Variants in LAMA2 observed in about 807,000 individuals in gnomAD.
LAMA2 encodes the protein laminin subunit alpha-2.
Under a neutral mutation model 364.8 loss-of-function variants are expected in LAMA2, and 269 were observed. The ratio of observed to expected loss-of-function variants is 0.74; its 90% CI spans 0.67 to 0.82. The LOEUF is 0.82. LAMA2 is among the 40% of genes least tolerant of loss of function. The pLI, the probability that LAMA2 is intolerant of heterozygous loss-of-function variation, is 0.00. For synonymous variants in LAMA2, 1,379 were observed against 1,370.6 expected (o/e 1.01, Z -0.14); for missense variants, 3,807 against 3,873.2 (o/e 0.98, Z 0.45).
intron 12 of LAMA2, among the ~76,000 whole-genome samples, chr6:129,223,270 A>C: frequency 6.6e-6 from 1 of 152,210 alleles, no homozygotes; most frequent in Non-Finnish European, 1.5e-5. Flanking sequence ...AGATTGCAAA[A>C]ATCTTCTCCC....
intron 1 of LAMA2, among the ~76,000 whole-genome samples, chr6:128,911,567 C>T (rs936397559): frequency 6.6e-6 from 1 of 152,178 alleles, no homozygotes; most frequent in Non-Finnish European, 1.5e-5. Context: ...AACCCGGTAC[C>T]TCAGATGGAA....
intron 1 of LAMA2, among the ~76,000 whole-genome samples, chr6:129,036,583 C>A (rs1786653879): frequency 6.7e-6 from 1 of 150,242 alleles, no homozygotes; most frequent in Admixed American, 6.6e-5. Flanking sequence ...AGAGAGTAAG[C>A]AATTTTAAAA....
chr6:129,332,676 A>G (rs1472056), intron 29 of LAMA2, among the ~76,000 whole-genome samples: 1 of 152,174 alleles, frequency 6.6e-6, no homozygotes, highest in African/African-American at 2.4e-5. Flanking sequence ...CATTTCTCAT[A>G]TAAAAATTCT....
rs144348368 is a variant in LAMA2, at chr6:129,240,290, C to T, written c.1783-9822C>T. Among the ~76,000 whole-genome samples the T allele has an allele frequency of 3.9e-4, 59 of 152,270 alleles. No individual in the cohort carries two copies. The East Asian group carries it at 7.9e-3, about 20-fold the overall frequency. ...CCAGCCCTCTGACTCAAATGTTAAT[C>T]TCCTTTGGCAACACCCTCACAGACA... On this transcript the variant is annotated intron_variant, in intron 12 of 64. Coordinates refer to ENST00000421865, the MANE Select transcript of LAMA2 (RefSeq NM_000426.4).
chr6:129,330,599 T>TTG (rs1554273763), intron 29 of LAMA2, among the ~76,000 whole-genome samples: 653 of 58,294 alleles, frequency 0.011, 11 homozygotes, highest in South Asian at 0.089. Context: ...TTGGTTTTTG[T>TTG]TTTTTTTTTT....
At chr6:129,489,960 ATAC>A (rs937529150) in intron 56 of LAMA2, among the ~76,000 whole-genome samples, 1 of 152,172 alleles carries the variant, frequency 6.6e-6, no homozygotes, top group Non-Finnish European at 1.5e-5. Context: ...ACCTATTACA[ATAC>A]TAAAGTAATA....
At position 129,244,471 on chromosome 6, in the gene LAMA2, T is replaced by A. The variant is rs942746800; in HGVS notation, c.1783-5641T>A. On this transcript the variant is annotated intron_variant, in intron 12 of 64. Coordinates refer to ENST00000421865, the MANE Select transcript of LAMA2 (RefSeq NM_000426.4). The stretch of plus-strand genomic sequence containing the variant: ...ATGGAAATTGACAGATATGTTTAAT[T>A]TATCCTGCTCAGTATTATAAAGCCT... 3.9e-5 allele frequency among the ~76,000 whole-genome samples: 6 copies of A among 152,266 alleles called. No individual in the cohort carries two copies. In the South Asian group the frequency reaches 8.3e-4, roughly 21 times the overall value.
chr6:129,484,258 A>G (rs1270760500), intron 55 of LAMA2, among the ~76,000 whole-genome samples: 1 of 152,234 alleles, frequency 6.6e-6, no homozygotes. Context: ...ACTGGTTGTT[A>G]TAGTATTAGA....
chr6:129,441,693 A>T (rs1238855355), intron 43 of LAMA2, among the ~76,000 whole-genome samples: 1 of 152,146 alleles, frequency 6.6e-6, no homozygotes, highest in Non-Finnish European at 1.5e-5. Flanking sequence ...ACAAGGCTAT[A>T]TTGGGCCAGG....
intron 34 of LAMA2, among the ~76,000 whole-genome samples, chr6:129,376,215 G>C (rs999273235): frequency 6.6e-6 from 1 of 151,942 alleles, no homozygotes; most frequent in Non-Finnish European, 1.5e-5. Flanking sequence ...ACGGATTGAG[G>C]GTATAAGCCA....
At chr6:129,174,316 T>C (rs1780422571) in intron 9 of LAMA2, among the ~76,000 whole-genome samples, 1 of 152,126 alleles carries the variant, frequency 6.6e-6, no homozygotes, top group South Asian at 2.1e-4. Flanking sequence ...TCCAATACTC[T>C]TTTTTACTCA....
chr6:128,962,686 C>A (rs1781609589), intron 1 of LAMA2, among the ~76,000 whole-genome samples: 1 of 152,094 alleles, frequency 6.6e-6, no homozygotes, highest in South Asian at 2.1e-4. Context: ...TGATTTAGTC[C>A]AAGGCTTTGA....
chr6:129,328,453 A>G (rs757170799), intron 29 of LAMA2, 41 bp downstream of exon 29: 2 of 1,613,922 alleles, frequency 1.2e-6, no homozygotes, highest in South Asian at 2.2e-5. Flanking sequence ...CCATGTGCTC[A>G]TTCCTCTTTA....
chr6:129,150,462 C>G (rs1412590360), intron 7 of LAMA2, among the ~76,000 whole-genome samples: 1 of 152,150 alleles, frequency 6.6e-6, no homozygotes, highest in African/African-American at 2.4e-5. Context: ...CACTGACATG[C>G]CTTCACACAG....
rs910873369 is a variant in LAMA2, at chr6:129,297,936, G to A, written c.3037+71G>A. On this transcript the variant is annotated intron_variant, in intron 21 of 64. Coordinates refer to ENST00000421865, the MANE Select transcript of LAMA2 (RefSeq NM_000426.4). ...TAGGGTCTGACTTCTGTAACAGTTT[G>A]TTCTTTTAAAGGAAGCACAGATTGA... 3.0e-6 allele frequency: 4 copies of A among 1,337,876 alleles called. No homozygotes were observed. In the African/African-American group the frequency reaches 4.3e-5, roughly 14 times the overall value. 82.9% of individuals were successfully genotyped at this position (1,337,876 alleles called of 1,614,324 possible).
In LAMA2 at chr6:129,512,498, G is replaced by A. The variant is rs1374434162; in HGVS notation, c.8988+5G>A. On this transcript the variant is annotated splice_donor_5th_base_variant and intron_variant, in intron 63 of 64. Transcript: ENST00000421865. ...ATTGAAATGATTGATGAAAAGGTGA[G>A]TGTCAGCAATGCAAACATTTCTGAT... The A allele has an allele frequency of 8.1e-6, 13 of 1,613,230 alleles. No homozygotes were observed. Among genetic ancestry groups the A allele is most frequent in the Non-Finnish European group, 1.1e-5 (13 of 1,179,400 alleles).
intron 12 of LAMA2, among the ~76,000 whole-genome samples, chr6:129,211,715 G>A (rs1441991217): frequency 6.6e-6 from 1 of 152,128 alleles, no homozygotes; most frequent in African/African-American, 2.4e-5. Flanking sequence ...AATTCTATAG[G>A]AAATGTTTCT....
chr6:129,511,820 A>G (rs1412789578), intron 62 of LAMA2, among the ~76,000 whole-genome samples: 1 of 151,924 alleles, frequency 6.6e-6, no homozygotes, highest in African/African-American at 2.4e-5. Context: ...GAAGCTTCCC[A>G]TCAACATTGT....
intron 51 of LAMA2, among the ~76,000 whole-genome samples, chr6:129,470,600 T>A (rs1783762925): frequency 6.6e-6 from 1 of 151,858 alleles, no homozygotes; most frequent in African/African-American, 2.4e-5. Context: ...AGAAGAAATT[T>A]CCTATAGGGA....
Sources: allele counts gnomAD v4.1 joint callset (sites outside exome capture counted in the v4.1 genomes callset), GRCh38; gene constraint gnomAD v4.1.1; transcripts MANE v1.5; gene names NCBI Gene and HGNC (gene_info 2026-07-23, HGNC 2026-07-21).